FOXP2: variants seen among roughly 807,000 people sequenced by gnomAD.
FOXP2 encodes the protein forkhead box protein P2.
A neutral mutation model predicts 115.8 loss-of-function variants in FOXP2; 12 were observed. That is an observed-to-expected ratio of 0.10 (90% CI 0.07 to 0.17). The LOEUF (loss-of-function observed/expected upper bound fraction) is 0.17, where lower values mean the gene tolerates loss of function less well. Ranked by LOEUF, FOXP2 falls within the 10% of genes least tolerant of loss-of-function variation. The probability of loss-of-function intolerance (pLI) is 1.00; values close to 1 mark genes in which losing one functional copy is unlikely to be tolerated. For missense variants in FOXP2, 629 were observed against 843.5 expected (o/e 0.75, Z 3.15); for synonymous variants, 328 against 297.7 (o/e 1.10, Z -1.05).
At chr7:114,166,487 G>A (rs776165914) in intron 1 of FOXP2, among the ~76,000 whole-genome samples, 1 of 152,072 alleles carries the variant, frequency 6.6e-6, no homozygotes, top group East Asian at 1.9e-4. Flanking sequence ...GGCAGATCAC[G>A]AGGTCAGGAG....
intron 1 of FOXP2, among the ~76,000 whole-genome samples, chr7:114,110,356 C>T (rs1361841176): frequency 1.3e-5 from 2 of 152,102 alleles, no homozygotes; most frequent in African/African-American, 2.4e-5. Context: ...TCAAAATTAA[C>T]CACAAGATGT....
chr7:114,190,338 G>A (rs1793725677), intron 1 of FOXP2, among the ~76,000 whole-genome samples: 1 of 152,150 alleles, frequency 6.6e-6, no homozygotes, highest in Non-Finnish European at 1.5e-5. Context: ...GATTAACTGA[G>A]GGCCTGAATA....
At chr7:114,537,653 A>G (rs1434048033) in intron 3 of FOXP2, among the ~76,000 whole-genome samples, 1 of 151,634 alleles carries the variant, frequency 6.6e-6, no homozygotes, top group Non-Finnish European at 1.5e-5. Context: ...TACAGATGGC[A>G]TAGATATTAG....
At chr7:114,260,690 T>G (rs1795726326) in intron 1 of FOXP2, among the ~76,000 whole-genome samples, 1 of 152,178 alleles carries the variant, frequency 6.6e-6, no homozygotes, top group African/African-American at 2.4e-5. Flanking sequence ...TTTTCAAACT[T>G]TTAATTAGAC....
chr7:114,396,943 G>A (rs1792760341), intron 2 of FOXP2, among the ~76,000 whole-genome samples: 1 of 151,472 alleles, frequency 6.6e-6, no homozygotes, highest in Non-Finnish European at 1.5e-5. Flanking sequence ...TGTCATACAT[G>A]GTAAATATAT....
At chr7:114,164,768 C>T (rs958242214) in intron 1 of FOXP2, among the ~76,000 whole-genome samples, 1 of 152,024 alleles carries the variant, frequency 6.6e-6, no homozygotes, top group Non-Finnish European at 1.5e-5. Context: ...CTTTAAAAGC[C>T]TATTTAAATT....
At position 114,586,262 on chromosome 7, in the gene FOXP2, T is replaced by A. The variant is rs187631418; in HGVS notation, c.259-42278T>A. Among the ~76,000 whole-genome samples, 163 of 152,290 alleles carry A rather than the reference T, an allele frequency of 1.1e-3. 1 individual carries two copies. Among genetic ancestry groups the A allele is most frequent in the Middle Eastern group, 0.01 (3 of 294 alleles). On this transcript the variant is annotated intron_variant, in intron 3 of 16. Coordinates refer to ENST00000350908, the MANE Select transcript of FOXP2 (RefSeq NM_014491.4). Reference sequence around the variant, plus strand: ...TGAAGTTTAAAAAGAGTTTTATACATATTGGAGATTAAGTTTTATACTTAG... The same window carrying A: ...TGAAGTTTAAAAAGAGTTTTATACAAATTGGAGATTAAGTTTTATACTTAG...
intron 1 of FOXP2, among the ~76,000 whole-genome samples, chr7:114,242,539 A>G (rs1263289755): frequency 6.6e-6 from 1 of 152,124 alleles, no homozygotes; most frequent in African/African-American, 2.4e-5. Context: ...ATTGGACTAG[A>G]GATCATCCTC....
chr7:114,157,893 TATA>T (rs997708278), intron 1 of FOXP2, among the ~76,000 whole-genome samples: 1 of 152,070 alleles, frequency 6.6e-6, no homozygotes, highest in African/African-American at 2.4e-5. Flanking sequence ...AAACTATCAT[TATA>T]GTAGTAGGTG....
At chr7:114,202,885 T>C (rs1288702443) in intron 1 of FOXP2, among the ~76,000 whole-genome samples, 3 of 152,228 alleles carry the variant, frequency 2.0e-5, no homozygotes, top group Admixed American at 1.3e-4. Flanking sequence ...GTAACACCTC[T>C]TACCAATCCT....
chr7:114,475,690 A>C (rs1452057504), intron 2 of FOXP2, among the ~76,000 whole-genome samples: 1 of 152,122 alleles, frequency 6.6e-6, no homozygotes, highest in East Asian at 1.9e-4. Flanking sequence ...TATGCCAAAT[A>C]GTAAGCATAC....
intron 1 of FOXP2, among the ~76,000 whole-genome samples, chr7:114,133,629 T>G (rs937992368): frequency 1.3e-5 from 2 of 152,174 alleles, no homozygotes; most frequent in African/African-American, 2.4e-5. Flanking sequence ...GTAGAGGTGT[T>G]GGGTGTTGGG....
intron 3 of FOXP2, among the ~76,000 whole-genome samples, chr7:114,565,096 A>G (rs975662830): frequency 6.6e-5 from 10 of 151,412 alleles, no homozygotes; most frequent in Non-Finnish European, 1.2e-4. Flanking sequence ...ATTGTATGCA[A>G]CCAATTTTTT....
At chr7:114,408,740 A>T (rs1387028405) in intron 2 of FOXP2, among the ~76,000 whole-genome samples, 6 of 151,992 alleles carry the variant, frequency 3.9e-5, no homozygotes, top group Admixed American at 2.6e-4. Flanking sequence ...AACATAAATA[A>T]AAATAAATAA....
At chr7:114,633,591 G>A (rs1035799035) in intron 6 of FOXP2, among the ~76,000 whole-genome samples, 8 of 152,114 alleles carry the variant, frequency 5.3e-5, no homozygotes, top group South Asian at 4.1e-4. Flanking sequence ...TTGGTTCACC[G>A]ATCAAAGTTT....
intron 3 of FOXP2, among the ~76,000 whole-genome samples, chr7:114,549,859 C>T (rs572361874): frequency 3.1e-4 from 47 of 151,940 alleles, no homozygotes; most frequent in Non-Finnish European, 6.3e-4. Flanking sequence ...ATAAAATAGG[C>T]CAATAACGAC....
chr7:114,679,091 C>T (rs1373082430), intron 16 of FOXP2, among the ~76,000 whole-genome samples: 1 of 152,054 alleles, frequency 6.6e-6, no homozygotes, highest in Non-Finnish European at 1.5e-5. Flanking sequence ...CAACCTCCCA[C>T]ATAGTTGGGA....
At chr7:114,094,893 A>G (rs1799611689) in intron 1 of FOXP2, among the ~76,000 whole-genome samples, 1 of 151,298 alleles carries the variant, frequency 6.6e-6, no homozygotes, top group South Asian at 2.1e-4. Context: ...AACCCACAAA[A>G]CTATTAACTC....
intron 1 of FOXP2, among the ~76,000 whole-genome samples, chr7:114,251,462 T>C (rs1041548497): frequency 2.0e-5 from 3 of 152,212 alleles, no homozygotes; most frequent in African/African-American, 7.2e-5. Context: ...TTGTGTCCTC[T>C]TTTATTTCGT....
Sources: gnomAD v4.1 joint callset for allele counts (sites outside exome capture counted in the v4.1 genomes callset) on GRCh38, gnomAD v4.1.1 for gene constraint, MANE v1.5 for transcripts, NCBI Gene and HGNC (gene_info 2026-07-23, HGNC 2026-07-21) for gene names.